WDR41: variants seen among roughly 807,000 people sequenced by gnomAD.
WDR41 encodes WD repeat domain 41, also known as WD repeat-containing protein 41.
In WDR41, 63 loss-of-function variants were observed where a neutral mutation model predicts 69.3. The observed-to-expected ratio is 0.91, with a 90% CI of 0.74 to 1.12. WDR41 has a LOEUF of 1.12. Among genes scored for constraint, WDR41 ranks in the 50% most tolerant of loss-of-function variants. The probability of loss-of-function intolerance (pLI) is 0.00; values close to 1 mark genes in which losing one functional copy is unlikely to be tolerated. For missense variants in WDR41, 543 were observed against 534.5 expected (o/e 1.02, Z -0.16); for synonymous variants, 185 against 192.1 (o/e 0.96, Z 0.31).
At chr5:77,565,954 C>A (rs549809473) in intron 1 of WDR41, among the ~76,000 whole-genome samples, 60 of 152,254 alleles carry the variant, frequency 3.9e-4, no homozygotes, top group African/African-American at 1.4e-3. Context: ...TGACTTCTTA[C>A]TGCATAGCAG....
chr5:77,585,688 T>C (rs954062143), intron 1 of WDR41, among the ~76,000 whole-genome samples: 1 of 152,156 alleles, frequency 6.6e-6, no homozygotes, highest in African/African-American at 2.4e-5. Context: ...CTGGATGAGA[T>C]TGGAGACTAT....
chr5:77,434,398 A>G (rs976096301), intron 12 of WDR41, among the ~76,000 whole-genome samples: 1 of 152,144 alleles, frequency 6.6e-6, no homozygotes, highest in African/African-American at 2.4e-5. Flanking sequence ...GCAGGAGTGA[A>G]GGGAGGAAAC....
chr5:77,463,911 G>C (rs1800176261), intron 3 of WDR41, among the ~76,000 whole-genome samples: 1 of 139,582 alleles, frequency 7.2e-6, no homozygotes, highest in Non-Finnish European at 1.7e-5. Context: ...GAAAAATAAA[G>C]ATCTGACACA....
At chr5:77,603,201 G>A (rs1207542328) in intron 1 of WDR41, among the ~76,000 whole-genome samples, 2 of 152,128 alleles carry the variant, frequency 1.3e-5, no homozygotes, top group Non-Finnish European at 2.9e-5. Flanking sequence ...CTCCCAAAGT[G>A]CTGGGATTAC....
chr5:77,611,840 A>G (rs1206039997), intron 1 of WDR41, among the ~76,000 whole-genome samples: 2 of 152,108 alleles, frequency 1.3e-5, no homozygotes, highest in Non-Finnish European at 2.9e-5. Context: ...TCAAAAAATC[A>G]ATGAATCCAG....
intron 8 of WDR41, among the ~76,000 whole-genome samples, chr5:77,445,322 G>T (rs1197560594): frequency 2.0e-5 from 3 of 152,172 alleles, no homozygotes; most frequent in African/African-American, 7.2e-5. Flanking sequence ...GGACCAGATG[G>T]ATTCACAGCT....
intron 1 of WDR41, among the ~76,000 whole-genome samples, chr5:77,498,872 T>A: frequency 6.6e-6 from 1 of 151,486 alleles, no homozygotes; most frequent in Admixed American, 6.6e-5. Context: ...TGTGACTTTT[T>A]AAAGATTTTA....
intron 8 of WDR41, among the ~76,000 whole-genome samples, chr5:77,443,910 T>C (rs1799273930): frequency 7.1e-6 from 1 of 140,356 alleles, no homozygotes; most frequent in Non-Finnish European, 1.5e-5. Context: ...TGAAATGAAG[T>C]CTCACTCTGT....
At chr5:77,601,613 G>A (rs1292689176) in intron 1 of WDR41, among the ~76,000 whole-genome samples, 2 of 152,126 alleles carry the variant, frequency 1.3e-5, no homozygotes, top group Non-Finnish European at 2.9e-5. Flanking sequence ...CTTAAGGTGT[G>A]GGAGGGAAAG....
chr5:77,528,312 A>G (rs1802478301), intron 1 of WDR41, among the ~76,000 whole-genome samples: 1 of 151,756 alleles, frequency 6.6e-6, no homozygotes, highest in Non-Finnish European at 1.5e-5. Context: ...TTTAGATAAA[A>G]CAAACTTCTT....
chr5:77,555,967 T>A (rs1419926205), intron 1 of WDR41, among the ~76,000 whole-genome samples: 3 of 151,824 alleles, frequency 2.0e-5, no homozygotes, highest in East Asian at 1.9e-4. Context: ...AGGTGTTTTA[T>A]AAAGCTGGAG....
rs558480613 is a variant in WDR41, at chr5:77,499,567, A to C, written c.43-9995T>G. 1.5e-3 allele frequency: 234 copies of C among 152,328 alleles called. 3 individuals carry two copies. Among genetic ancestry groups the C allele is most frequent in the African/African-American group, 5.5e-3 (230 of 41,578 alleles). 9.4% of individuals were successfully genotyped at this position (152,328 alleles called of 1,614,324 possible). Reference sequence around the variant, plus strand: ...TAGAGCTCATGCTGCAAAAGAGTGCATCCAAACCCAGACCTGTTTTTTCCC... The same window carrying C: ...TAGAGCTCATGCTGCAAAAGAGTGCCTCCAAACCCAGACCTGTTTTTTCCC... On this transcript the variant is annotated intron_variant, in intron 1 of 5. Transcript: ENST00000509971.
chr5:77,615,286 A>G (rs184612459), intron 1 of WDR41, among the ~76,000 whole-genome samples: 7 of 152,366 alleles, frequency 4.6e-5, no homozygotes, highest in African/African-American at 1.7e-4. Flanking sequence ...TATGGATTAA[A>G]TACTAAAAAT....
chr5:77,604,431 G>A, intron 1 of WDR41, among the ~76,000 whole-genome samples: 1 of 152,154 alleles, frequency 6.6e-6, no homozygotes, highest in East Asian at 1.9e-4. Context: ...ACTAAGAAAT[G>A]ATCTCTGAAA....
At position 77,463,148 on chromosome 5, in the gene WDR41, A is replaced by G. The variant is rs540396114; in HGVS notation, c.295T>C (p.Cys99Arg). Residue 99 changes from cysteine to arginine, a missense_variant, in exon 4 of 13, where the codon TGT becomes CGT. Physicochemically the swap from Cys to Arg is radical, Grantham distance 180. Transcript: ENST00000296679. ...AIITFPSLES[C>R]EEKNQLILTA... ...AAGATGAGTTGATTTTTCTCTTCAC[A>G]AGATTCCAAGGAAGGAAATGTAATA... 26 of 1,612,758 alleles carry G rather than the reference A, an allele frequency of 1.6e-5. No individual in the cohort carries two copies. In the East Asian group the frequency reaches 5.6e-4, roughly 35 times the overall value.
At chr5:77,477,238 C>T (rs925390967) in intron 2 of WDR41, among the ~76,000 whole-genome samples, 2 of 150,514 alleles carry the variant, frequency 1.3e-5, no homozygotes, top group Non-Finnish European at 2.9e-5. Context: ...GACTTTAACA[C>T]CCCACTGTCA....
intron 1 of WDR41, among the ~76,000 whole-genome samples, chr5:77,617,676 A>C (rs1375911313): frequency 2.0e-5 from 3 of 152,224 alleles, no homozygotes; most frequent in Non-Finnish European, 4.4e-5. Context: ...AAGTACTAAA[A>C]TATTAGGTAG....
At chr5:77,620,569 C>A in exon 1 of WDR41, 1 of 451,864 alleles carries the variant, frequency 2.2e-6, no homozygotes, top group Non-Finnish European at 4.5e-6. Flanking sequence ...TGTGTACCTG[C>A]GCTCACCTGA....
At chr5:77,474,874 C>T (rs1044832544) in intron 2 of WDR41, among the ~76,000 whole-genome samples, 11 of 152,136 alleles carry the variant, frequency 7.2e-5, no homozygotes, top group Non-Finnish European at 1.3e-4. Context: ...ACGCAGAAGA[C>T]GGGTGATTTC....
Sources: gnomAD v4.1 joint callset for allele counts (sites outside exome capture counted in the v4.1 genomes callset) on GRCh38, gnomAD v4.1.1 for gene constraint, MANE v1.5 for transcripts, NCBI Gene and HGNC (gene_info 2026-07-23, HGNC 2026-07-21) for gene names.